The following SNTB1 variants were observed in gnomAD, a reference collection of about 807,000 sequenced individuals.
SNTB1 encodes the protein syntrophin beta 1, also known as beta-1-syntrophin.
In SNTB1, 36 loss-of-function variants were observed where a neutral mutation model predicts 48.9. The observed-to-expected ratio is 0.74, with a 90% CI of 0.56 to 0.97. The LOEUF (loss-of-function observed/expected upper bound fraction) is 0.97, where lower values mean the gene tolerates loss of function less well. Among genes scored for constraint, SNTB1 ranks in the 50% least tolerant of loss-of-function variants. The pLI, the probability that SNTB1 is intolerant of heterozygous loss-of-function variation, is 0.00. For missense variants in SNTB1, 786 were observed against 703.4 expected (o/e 1.12, Z -1.33); for synonymous variants, 299 against 294.6 (o/e 1.01, Z -0.15).
At chr8:120,804,402 C>T (rs1022573852) in intron 1 of SNTB1, among the ~76,000 whole-genome samples, 3 of 152,100 alleles carry the variant, frequency 2.0e-5, no homozygotes, top group African/African-American at 7.2e-5. Flanking sequence ...GCCTCAAATA[C>T]CCTACCTCCT....
chr8:120,710,256 G>A (rs1229817828), intron 1 of SNTB1, among the ~76,000 whole-genome samples: 2 of 152,170 alleles, frequency 1.3e-5, no homozygotes, highest in African/African-American at 4.8e-5. Context: ...CGGAGGTTGT[G>A]GGTGTTGTGA....
chr8:120,550,378 C>T lies in SNTB1; in HGVS notation c.1137-1420G>A, dbSNP rs548151128. On this transcript the variant is annotated intron_variant, in intron 4 of 6. Coordinates refer to ENST00000517992, the MANE Select transcript of SNTB1 (RefSeq NM_021021.4). ...CCAACATGCGGAAACCCCGTCTCTACTAAAAATACAAAAATTAGCCTGGCA... is the reference window on the plus strand; with the variant it reads ...CCAACATGCGGAAACCCCGTCTCTATTAAAAATACAAAAATTAGCCTGGCA... 4.1e-3 allele frequency among the ~76,000 whole-genome samples: 629 copies of T among 151,960 alleles called. 3 individuals are homozygous for T. The highest frequency in any genetic ancestry group is 3.5e-3 in the Non-Finnish European group (240 of 67,962).
intron 1 of SNTB1, among the ~76,000 whole-genome samples, chr8:120,702,780 T>C (rs1818327492): frequency 6.6e-6 from 1 of 152,334 alleles, no homozygotes; most frequent in Non-Finnish European, 1.5e-5. Context: ...TTACAAACTC[T>C]GGACTCCGGA....
intron 2 of SNTB1, among the ~76,000 whole-genome samples, chr8:120,662,978 A>G (rs1367806245): frequency 8.1e-6 from 1 of 122,726 alleles, no homozygotes; most frequent in Admixed American, 1.0e-4. Flanking sequence ...CAAAGAGCTC[A>G]CTGTCCACAG....
Position 120,712,892 on chromosome 8 carries a change from G to GA in SNTB1, c.572-18985dup, listed in dbSNP as rs147031299. On this transcript the variant is annotated intron_variant, in intron 1 of 6. Coordinates refer to ENST00000517992, the MANE Select transcript of SNTB1 (RefSeq NM_021021.4). ...GCGGGAATCTGAAGTCAGGCTTTAT[G>GA]ATCCAGCCCTAGCATTACCCATTAC... Among the ~76,000 whole-genome samples the GA allele has an allele frequency of 3.6e-3, 551 of 152,254 alleles. 4 individuals carry two copies. The highest frequency in any genetic ancestry group is 0.013 in the African/African-American group (524 of 41,542).
chr8:120,660,936 G>A (rs151100945), intron 2 of SNTB1, among the ~76,000 whole-genome samples: 4 of 152,254 alleles, frequency 2.6e-5, no homozygotes, highest in Non-Finnish European at 4.4e-5. Flanking sequence ...CGATGGAGCC[G>A]ACAGGATACA....
At chr8:120,712,119 G>A (rs567348415) in intron 1 of SNTB1, among the ~76,000 whole-genome samples, 1 of 152,162 alleles carries the variant, frequency 6.6e-6, no homozygotes, top group African/African-American at 2.4e-5. Flanking sequence ...TCAGAACTTA[G>A]AAATATATGA....
intron 1 of SNTB1, among the ~76,000 whole-genome samples, chr8:120,696,625 T>C (rs1298234171): frequency 2.6e-5 from 4 of 152,106 alleles, no homozygotes; most frequent in Non-Finnish European, 5.9e-5. Flanking sequence ...ACAAGAAAAA[T>C]ATTGCTATCT....
chr8:120,637,531 TG>T (rs1328364122), intron 2 of SNTB1: 1 of 199,474 alleles, frequency 5.0e-6, no homozygotes, highest in Non-Finnish European at 1.0e-5. Flanking sequence ...TTATTTTTAT[TG>T]TGACATCATC....
At chr8:120,739,544 A>G (rs1421257812) in intron 1 of SNTB1, among the ~76,000 whole-genome samples, 1 of 152,226 alleles carries the variant, frequency 6.6e-6, no homozygotes, top group Non-Finnish European at 1.5e-5. Context: ...AACTAAAATT[A>G]TCTTTTGTAG....
chr8:120,736,409 G>T (rs1818945861), intron 1 of SNTB1, among the ~76,000 whole-genome samples: 1 of 152,144 alleles, frequency 6.6e-6, no homozygotes, highest in African/African-American at 2.4e-5. Context: ...TCTGCAACAG[G>T]CAGGTATCAG....
intron 1 of SNTB1, among the ~76,000 whole-genome samples, chr8:120,750,235 A>G (rs1156565910): frequency 6.9e-6 from 1 of 144,812 alleles, no homozygotes; most frequent in Non-Finnish European, 1.5e-5. Flanking sequence ...AAACCTTTGT[A>G]TCTCCAGCAC....
chr8:120,752,175 G>A (rs56673060), intron 1 of SNTB1, among the ~76,000 whole-genome samples: 19,740 of 152,000 alleles, frequency 0.13, 1,665 homozygotes, highest in African/African-American at 0.23. Context: ...GGCCAAAAGG[G>A]AATGAAAATC....
In SNTB1 at chr8:120,728,985, C is replaced by CT. The variant is rs61106051; in HGVS notation, c.572-35078dup. On this transcript the variant is annotated intron_variant, in intron 1 of 6. Coordinates refer to ENST00000517992, the MANE Select transcript of SNTB1 (RefSeq NM_021021.4). ...TCTCCAGCATCTGTTGTTTACTGACCTTTTTTTTTTTTTGAAATGGGGTCT... is the reference window on the plus strand; with the variant it reads ...TCTCCAGCATCTGTTGTTTACTGACCTTTTTTTTTTTTTTGAAATGGGGTCT... Among the ~76,000 whole-genome samples, 958 of 145,492 alleles carry CT rather than the reference C, an allele frequency of 6.6e-3. 22 individuals are homozygous for CT. The East Asian group carries it at 0.096, about 15-fold the overall frequency.
Position 120,564,162 on chromosome 8 carries a change from C to T in SNTB1, c.1136+10924G>A, listed in dbSNP as rs564603483. Among the ~76,000 whole-genome samples the T allele has an allele frequency of 4.6e-5, 7 of 151,794 alleles. No individual in the cohort carries two copies. In the East Asian group the frequency reaches 5.8e-4, roughly 13 times the overall value. On this transcript the variant is annotated intron_variant, in intron 4 of 6. Transcript: ENST00000517992. ...ACATAGGTCATTGAATGGCATTGTGCCTCTTTCCACCCAATTCATGTGTTG... is the reference window on the plus strand; with the variant it reads ...ACATAGGTCATTGAATGGCATTGTGTCTCTTTCCACCCAATTCATGTGTTG...
intron 1 of SNTB1, among the ~76,000 whole-genome samples, chr8:120,807,101 G>A (rs1820347421): frequency 6.6e-6 from 1 of 152,164 alleles, no homozygotes; most frequent in South Asian, 2.1e-4. Context: ...TTCCATAGGA[G>A]ACCTTTGGGA....
intron 2 of SNTB1, among the ~76,000 whole-genome samples, chr8:120,669,443 G>GTTTTTTT (rs1182227923): frequency 3.6e-5 from 3 of 82,334 alleles, no homozygotes; most frequent in Admixed American, 1.1e-4. Context: ...GAAAATGCTT[G>GTTTTTTT]TTTTTTTTTT....
intron 5 of SNTB1, among the ~76,000 whole-genome samples, chr8:120,543,730 G>T (rs1815331189): frequency 6.6e-6 from 1 of 152,144 alleles, no homozygotes; most frequent in Admixed American, 6.5e-5. Flanking sequence ...ACAGAATGCG[G>T]TGGCTGTTAA....
At chr8:120,791,181 A>ATACAACCAACTGG (rs1820025381) in intron 1 of SNTB1, among the ~76,000 whole-genome samples, 1 of 151,918 alleles carries the variant, frequency 6.6e-6, no homozygotes, top group Non-Finnish European at 1.5e-5. Flanking sequence ...GCTTCAACAA[A>ATACAACCAACTGG]GCATACAAAA....
Sources: gnomAD v4.1 joint callset for allele counts (sites outside exome capture counted in the v4.1 genomes callset) on GRCh38, gnomAD v4.1.1 for gene constraint, MANE v1.5 for transcripts, NCBI Gene and HGNC (gene_info 2026-07-23, HGNC 2026-07-21) for gene names.